The following MTA3 variants were observed in gnomAD, a reference collection of about 807,000 sequenced individuals.
MTA3 encodes the protein metastasis-associated protein MTA3.
In MTA3, 34 loss-of-function variants were observed where a neutral mutation model predicts 83.5. The ratio of observed to expected loss-of-function variants is 0.41; its 90% CI spans 0.31 to 0.54. The LOEUF (loss-of-function observed/expected upper bound fraction) is 0.54, where lower values mean the gene tolerates loss of function less well. MTA3 is among the 20% of genes least tolerant of loss of function. The pLI is 0.33. For missense variants in MTA3, 761 were observed against 726.4 expected (o/e 1.05, Z -0.55); for synonymous variants, 303 against 252.7 (o/e 1.20, Z -1.89).
At chr2:42,583,357 C>T (rs1442629192) in intron 3 of MTA3, among the ~76,000 whole-genome samples, 1 of 152,158 alleles carries the variant, frequency 6.6e-6, no homozygotes, top group Non-Finnish European at 1.5e-5. Context: ...ACTAAAACAT[C>T]AGGTGCAGAC....
Position 42,707,933 on chromosome 2 carries a change from G to C in MTA3, c.1181G>C (p.Gly394Ala). The change falls in exon 13 of 17, where the codon GGC (glycine) becomes GCC (alanine). Residue 394 changes from glycine (G) to alanine (A), a missense_variant. Physicochemically the swap from Gly to Ala is moderately conservative, Grantham distance 60 (BLOSUM62 0). Coordinates refer to ENST00000405094, the MANE Select transcript of MTA3 (RefSeq NM_001330442.2). ...ATQSHQWYSW[G>A]PPNMQCRLCA... ...CAGTCTCACCAGTGGTATTCTTGGGGCCCACCTAATATGCAGTGTAGATTA... is the reference window on the plus strand; with the variant it reads ...CAGTCTCACCAGTGGTATTCTTGGGCCCCACCTAATATGCAGTGTAGATTA... 1 of 1,601,844 alleles carries C rather than the reference G, an allele frequency of 6.2e-7. No individual in the cohort carries two copies.
chr2:42,722,484 G>T (rs1292398521), intron 15 of MTA3, among the ~76,000 whole-genome samples: 1 of 152,122 alleles, frequency 6.6e-6, no homozygotes, highest in East Asian at 1.9e-4. Context: ...ACGTGACATG[G>T]TGCCTGGTTT....
At position 42,728,480 on chromosome 2, in the gene MTA3, G is replaced by A. The variant is rs1034739167; in HGVS notation, c.1759+5445G>A. Among the ~76,000 whole-genome samples, 6 of 152,232 alleles carry A rather than the reference G, an allele frequency of 3.9e-5. No homozygotes were observed. The South Asian group carries it at 8.3e-4, about 21-fold the overall frequency. Reference sequence around the variant, plus strand: ...AGCAGGATTGCTGGATCATATGGTAGTTCTATTTTTAGTTTTTTGAGGATC... The same window carrying A: ...AGCAGGATTGCTGGATCATATGGTAATTCTATTTTTAGTTTTTTGAGGATC... On this transcript the variant is annotated intron_variant, in intron 16 of 16. Coordinates refer to ENST00000405094, the MANE Select transcript of MTA3 (RefSeq NM_001330442.2).
At chr2:42,644,290 T>C in intron 6 of MTA3, 46 bp downstream of exon 6, 1 of 1,316,146 alleles carries the variant, frequency 7.6e-7, no homozygotes, top group Non-Finnish European at 1.1e-6. Flanking sequence ...AAATATATCT[T>C]GAAACTCAAA....
chr2:42,527,511 A>T (rs1363049633), intron 2 of MTA3, among the ~76,000 whole-genome samples: 1 of 152,204 alleles, frequency 6.6e-6, no homozygotes, highest in Non-Finnish European at 1.5e-5. Flanking sequence ...GAACAAAATC[A>T]ACAAAATCTG....
intron 12 of MTA3, among the ~76,000 whole-genome samples, chr2:42,707,666 C>T (rs1242994935): frequency 6.6e-6 from 1 of 152,078 alleles, no homozygotes; most frequent in Non-Finnish European, 1.5e-5. Flanking sequence ...ATACAGGATG[C>T]TTCACTGAAT....
At chr2:42,583,033 A>G (rs1026700444) in intron 3 of MTA3, among the ~76,000 whole-genome samples, 1 of 152,128 alleles carries the variant, frequency 6.6e-6, no homozygotes, top group Non-Finnish European at 1.5e-5. Flanking sequence ...TAGAGAGTAG[A>G]GAAATTACTT....
chr2:42,498,490 G>A (rs748349452), intron 2 of MTA3, among the ~76,000 whole-genome samples: 2 of 152,168 alleles, frequency 1.3e-5, no homozygotes, highest in Non-Finnish European at 1.5e-5. Flanking sequence ...GGCCTCACAG[G>A]GCCTGTATCA....
chr2:42,586,249 G>A (rs1323652877), intron 3 of MTA3, among the ~76,000 whole-genome samples: 12 of 148,960 alleles, frequency 8.1e-5, no homozygotes, highest in Admixed American at 2.0e-4. Context: ...ACTCCAGCCC[G>A]GACAACAGGA....
intron 2 of MTA3, among the ~76,000 whole-genome samples, chr2:42,534,761 T>C (rs1383359794): frequency 1.3e-5 from 2 of 152,204 alleles, no homozygotes; most frequent in East Asian, 1.9e-4. Flanking sequence ...TCATCTATTA[T>C]ATGCCACTGA....
chr2:42,632,182 C>T (rs1275601194), intron 4 of MTA3, among the ~76,000 whole-genome samples: 4 of 149,574 alleles, frequency 2.7e-5, no homozygotes, highest in African/African-American at 9.9e-5. Context: ...CTCTGCCTCC[C>T]AGGTTCACGC....
intron 4 of MTA3, among the ~76,000 whole-genome samples, chr2:42,615,561 G>A (rs1032168761): frequency 6.6e-6 from 1 of 151,088 alleles, no homozygotes; most frequent in Non-Finnish European, 1.5e-5. Flanking sequence ...TCACCATGTT[G>A]GCCAAGATGG....
At chr2:42,680,207 G>A (rs1462309137) in intron 8 of MTA3, 2 of 152,514 alleles carry the variant, frequency 1.3e-5, no homozygotes, top group East Asian at 1.9e-4. Context: ...GGTTTCTCTG[G>A]TTCTTTTCTA....
chr2:42,719,425 T>C (rs1439648), intron 15 of MTA3, among the ~76,000 whole-genome samples: 104,875 of 152,188 alleles, frequency 0.69, 37,910 homozygotes, highest in African/African-American at 0.91. Flanking sequence ...TCAGATCCCT[T>C]CCCTGTTTCT....
chr2:42,640,247 A>T lies in MTA3; in HGVS notation c.381+11A>T. 2 of 1,586,650 alleles carry T rather than the reference A, an allele frequency of 1.3e-6. No homozygotes were observed. Among genetic ancestry groups the T allele is most frequent in the Non-Finnish European group, 1.7e-6 (2 of 1,166,082 alleles). On this transcript the variant is annotated intron_variant, in intron 5 of 16. Transcript: ENST00000405094. ...TATCTTGATAAGGAGGTAATTCACA[A>T]TCATAGTTGTTTTGTTTTTTTCTCC... is the stretch of plus-strand genomic sequence containing the variant.
At chr2:42,530,955 G>A (rs551032506) in intron 2 of MTA3, among the ~76,000 whole-genome samples, 2 of 152,082 alleles carry the variant, frequency 1.3e-5, no homozygotes, top group South Asian at 2.1e-4. Context: ...TCAGCTCCCC[G>A]AGTATCTGGG....
At chr2:42,497,154 T>G (rs1572878945) in intron 2 of MTA3, among the ~76,000 whole-genome samples, 1 of 148,694 alleles carries the variant, frequency 6.7e-6, no homozygotes, top group Non-Finnish European at 1.5e-5. Flanking sequence ...TGCAGTGAGC[T>G]GAGATTGTGC....
chr2:42,712,549 A>G (rs1045851226), intron 14 of MTA3, among the ~76,000 whole-genome samples: 3 of 152,204 alleles, frequency 2.0e-5, no homozygotes, highest in Non-Finnish European at 2.9e-5. Flanking sequence ...AATAATCTTT[A>G]TATGTGAATG....
intron 10 of MTA3, among the ~76,000 whole-genome samples, chr2:42,697,407 T>C (rs898626258): frequency 1.3e-5 from 2 of 151,644 alleles, no homozygotes; most frequent in Non-Finnish European, 2.9e-5. Context: ...AGAGTGAGAG[T>C]GTGTGTGTTT....
Sources: allele counts gnomAD v4.1 joint callset (sites outside exome capture counted in the v4.1 genomes callset), GRCh38; gene constraint gnomAD v4.1.1; transcripts MANE v1.5; gene names NCBI Gene and HGNC (gene_info 2026-07-23, HGNC 2026-07-21).